ADAM7: variants seen among roughly 807,000 people sequenced by gnomAD.
ADAM7 encodes disintegrin and metalloproteinase domain-containing protein 7.
ADAM7 carries 97 observed loss-of-function variants against 102.9 expected under a neutral mutation model. The ratio of observed to expected loss-of-function variants is 0.94; its 90% CI spans 0.80 to 1.12. The LOEUF (loss-of-function observed/expected upper bound fraction) is 1.12, where lower values mean the gene tolerates loss of function less well. Ranked by LOEUF, ADAM7 falls within the 50% of genes most tolerant of loss-of-function variation. The probability of loss-of-function intolerance (pLI) is 0.00; values close to 1 mark genes in which losing one functional copy is unlikely to be tolerated. For synonymous variants in ADAM7, 334 were observed against 304.4 expected (o/e 1.10, Z -1.01); for missense variants, 991 against 908.7 (o/e 1.09, Z -1.16).
At chr8:24,492,909 C>T in intron 15 of ADAM7, 134 bp from the exon 16 acceptor site, 1 of 859,170 alleles carries the variant, frequency 1.2e-6, no homozygotes, top group Non-Finnish European at 1.7e-6. Context: ...GTGGTTTTCT[C>T]TGCCCATTAC....
At chr8:24,469,386 A>T (rs1241038217) in intron 7 of ADAM7, among the ~76,000 whole-genome samples, 1 of 152,196 alleles carries the variant, frequency 6.6e-6, no homozygotes, top group Non-Finnish European at 1.5e-5. Flanking sequence ...GCCTATAGCC[A>T]TGAGCAGGTA....
At chr8:24,453,469 A>C (rs1370259912) in intron 3 of ADAM7, among the ~76,000 whole-genome samples, 1 of 152,012 alleles carries the variant, frequency 6.6e-6, no homozygotes, top group African/African-American at 2.4e-5. Context: ...TGCATTCTTC[A>C]CGTAGTTCTC....
In ADAM7 at chr8:24,450,603, C is replaced by T. The variant is rs554244489; in HGVS notation, c.233+3341C>T. On this transcript the variant is annotated intron_variant, in intron 3 of 21. Transcript: ENST00000175238. The stretch of plus-strand genomic sequence containing the variant: ...CAATCGTGTAGTCTGCAAACAGGGA[C>T]AATTTGACTTCCTCTTTCCTAATTG... 2.6e-3 allele frequency among the ~76,000 whole-genome samples: 392 copies of T among 152,232 alleles called. 1 individual carries two copies. The highest frequency in any genetic ancestry group is 9.0e-3 in the African/African-American group (374 of 41,504).
Position 24,508,573 on chromosome 8 carries a change from C to T in ADAM7, c.*27C>T, listed in dbSNP as rs763856694. 4.3e-6 allele frequency: 7 copies of T among 1,613,298 alleles called. No individual in the cohort carries two copies. The highest frequency in any genetic ancestry group is 1.7e-4 in the Middle Eastern group (1 of 6,054). On this transcript the variant is annotated 3_prime_UTR_variant, in exon 22 of 22. Coordinates refer to ENST00000175238, the MANE Select transcript of ADAM7 (RefSeq NM_003817.4). Reference sequence around the variant, plus strand: ...CTTGAAGTTGGATATCCAAAATGGCCGTGCAAGCTTAGGCTGGGGATTCTG... The same window carrying T: ...CTTGAAGTTGGATATCCAAAATGGCTGTGCAAGCTTAGGCTGGGGATTCTG...
At chr8:24,446,242 G>C (rs1022486371) in intron 2 of ADAM7, among the ~76,000 whole-genome samples, 2 of 152,068 alleles carry the variant, frequency 1.3e-5, no homozygotes, top group Non-Finnish European at 1.5e-5. Context: ...GCATGAATCA[G>C]AATCCATATG....
chr8:24,502,936 T>G (rs955147028), intron 20 of ADAM7, among the ~76,000 whole-genome samples: 6 of 152,096 alleles, frequency 3.9e-5, no homozygotes, highest in Non-Finnish European at 8.8e-5. Flanking sequence ...CACTACTAAC[T>G]AATACACTAA....
intron 10 of ADAM7, 107 bp from the exon 11 acceptor site, chr8:24,487,078 CCA>C (rs1820167982): frequency 8.8e-7 from 1 of 1,138,112 alleles, no homozygotes; most frequent in African/African-American, 1.6e-5. Context: ...TAAATAGATA[CCA>C]GTTAACTAGG....
intron 16 of ADAM7, among the ~76,000 whole-genome samples, chr8:24,495,562 G>A (rs999994693): frequency 6.6e-6 from 1 of 152,102 alleles, no homozygotes; most frequent in African/African-American, 2.4e-5. Flanking sequence ...AAGAATCAAT[G>A]AATGTAAAGA....
intron 14 of ADAM7, 49 bp downstream of exon 14, chr8:24,492,147 T>A: frequency 1.3e-6 from 2 of 1,545,940 alleles, no homozygotes; most frequent in Non-Finnish European, 1.8e-6. Flanking sequence ...GGCCTCTATT[T>A]CTCTGTTATT....
chr8:24,491,883 T>C lies in ADAM7; in HGVS notation c.1357-20T>C. The C allele has an allele frequency of 6.4e-7, 1 of 1,564,342 alleles. No homozygotes were observed. On this transcript the variant is annotated intron_variant, in intron 13 of 21. Coordinates refer to ENST00000175238, the MANE Select transcript of ADAM7 (RefSeq NM_003817.4). ...ACCTAAATGTATCCAGGATTTAGTC[T>C]CTTTGTTTTTCCTCAACAGATAAAA...
intron 5 of ADAM7, 121 bp from the exon 6 acceptor site, chr8:24,466,678 T>TCTC: frequency 1.2e-6 from 1 of 804,774 alleles, no homozygotes; most frequent in Non-Finnish European, 1.9e-6. Flanking sequence ...CTGAAAGCAC[T>TCTC]CTCCTACCTG....
At chr8:24,501,086 G>A (rs576558241) in intron 19 of ADAM7, among the ~76,000 whole-genome samples, 191 bp downstream of exon 19, 108 of 152,196 alleles carry the variant, frequency 7.1e-4, no homozygotes, top group African/African-American at 2.3e-3. Flanking sequence ...TCCCAAACTT[G>A]TGCACATTGA....
intron 6 of ADAM7, among the ~76,000 whole-genome samples, chr8:24,468,195 C>T (rs1357788675): frequency 6.6e-6 from 1 of 151,836 alleles, no homozygotes. Context: ...ACAAGAAATG[C>T]AGTCAGTCCT....
intron 7 of ADAM7, among the ~76,000 whole-genome samples, chr8:24,469,762 AAAC>A (rs1227961426): frequency 6.6e-6 from 1 of 152,198 alleles, no homozygotes; most frequent in African/African-American, 2.4e-5. Context: ...AGACTGGACA[AAAC>A]AACAGGCATA....
intron 7 of ADAM7, among the ~76,000 whole-genome samples, chr8:24,470,585 A>G (rs1819571436): frequency 6.6e-6 from 1 of 152,164 alleles, no homozygotes; most frequent in Non-Finnish European, 1.5e-5. Context: ...TAGACCACAT[A>G]TATGAAAGTG....
chr8:24,470,424 A>C (rs1401180061), intron 7 of ADAM7, among the ~76,000 whole-genome samples: 1 of 152,146 alleles, frequency 6.6e-6, no homozygotes, highest in Non-Finnish European at 1.5e-5. Context: ...CCTAGCAATT[A>C]GAATGTAAAT....
chr8:24,474,769 C>G (rs1819715333), intron 7 of ADAM7, among the ~76,000 whole-genome samples: 4 of 151,958 alleles, frequency 2.6e-5, no homozygotes, highest in African/African-American at 9.7e-5. Context: ...GTGGTGTACA[C>G]CTGCAATCCC....
intron 14 of ADAM7, 147 bp from the exon 15 acceptor site, chr8:24,492,348 C>A: frequency 1.4e-6 from 1 of 693,874 alleles, no homozygotes; most frequent in South Asian, 2.3e-5. Context: ...TCTCCTGAGG[C>A]AATAGGATAG....
At chr8:24,470,433 A>G (rs1401041510) in intron 7 of ADAM7, among the ~76,000 whole-genome samples, 2 of 152,118 alleles carry the variant, frequency 1.3e-5, no homozygotes, top group Non-Finnish European at 2.9e-5. Flanking sequence ...TAGAATGTAA[A>G]TATCCCAAAA....
Sources: gnomAD v4.1 joint callset for allele counts (sites outside exome capture counted in the v4.1 genomes callset) on GRCh38, gnomAD v4.1.1 for gene constraint, MANE v1.5 for transcripts, NCBI Gene and HGNC (gene_info 2026-07-23, HGNC 2026-07-21) for gene names.